NWD2: variants seen among roughly 807,000 people sequenced by gnomAD.
The protein encoded by NWD2 is NACHT and WD repeat domain containing 2, also known as NACHT and WD repeat domain-containing protein 2.
A neutral mutation model predicts 132.7 loss-of-function variants in NWD2; 37 were observed. That is an observed-to-expected ratio of 0.28 (90% CI 0.21 to 0.37). The LOEUF is 0.37. NWD2 is among the 10% of genes least tolerant of loss of function. The probability of loss-of-function intolerance (pLI) is 1.00; values close to 1 mark genes in which losing one functional copy is unlikely to be tolerated. For missense variants in NWD2, 1,592 were observed against 2,122.4 expected, an observed-to-expected ratio of 0.75 and a Z score of 4.91; for synonymous variants, 705 against 803.0, an observed-to-expected ratio of 0.88 and a Z score of 2.06.
chr4:37,299,790 A>G (rs1718576509), intron 1 of NWD2, among the ~76,000 whole-genome samples: 1 of 152,122 alleles, frequency 6.6e-6, no homozygotes. Context: ...TTTTCTTGTA[A>G]ACTGAAATGT....
chr4:37,362,478 A>T (rs1719999889), intron 3 of NWD2, among the ~76,000 whole-genome samples: 1 of 152,228 alleles, frequency 6.6e-6, no homozygotes, highest in Admixed American at 6.5e-5. Context: ...GGACACATAG[A>T]CAAATGGAAC....
At chr4:37,281,842 T>G (rs144356332) in intron 1 of NWD2, among the ~76,000 whole-genome samples, 1,534 of 152,298 alleles carry the variant, frequency 0.01, 11 homozygotes, top group Non-Finnish European at 0.015. Flanking sequence ...TTAAACAAAT[T>G]TGTGGACATA....
rs186159162 is a variant in NWD2, at chr4:37,361,241, A to G, written c.357+4759A>G. On this transcript the variant is annotated intron_variant, in intron 3 of 6. Coordinates refer to ENST00000309447, the MANE Select transcript of NWD2 (RefSeq NM_001144990.2). Reference sequence around the variant, plus strand: ...TACATTCACAGACAAATTCCACCAGATATGCAAAGCAGAGCTGATACCTAT... The same window carrying G: ...TACATTCACAGACAAATTCCACCAGGTATGCAAAGCAGAGCTGATACCTAT... Among the ~76,000 whole-genome samples, 7 of 152,298 alleles carry G rather than the reference A, an allele frequency of 4.6e-5. 1 individual carries two copies. The highest frequency in any genetic ancestry group is 4.6e-4 in the Admixed American group (7 of 15,272).
intron 1 of NWD2, among the ~76,000 whole-genome samples, chr4:37,305,955 C>T (rs530179930): frequency 6.6e-6 from 1 of 152,280 alleles, no homozygotes; most frequent in African/African-American, 2.4e-5. Flanking sequence ...TAGAATTCAT[C>T]AGTGAAGCCA....
intron 3 of NWD2, among the ~76,000 whole-genome samples, chr4:37,404,209 A>G (rs1340561587): frequency 6.6e-6 from 1 of 152,168 alleles, no homozygotes; most frequent in Non-Finnish European, 1.5e-5. Context: ...GACTTTCTCA[A>G]CCTTGGGAAT....
intron 1 of NWD2, among the ~76,000 whole-genome samples, chr4:37,291,291 AC>A (rs1175646708): frequency 6.6e-6 from 1 of 152,114 alleles, no homozygotes; most frequent in Non-Finnish European, 1.5e-5. Flanking sequence ...TTGCTGTGGG[AC>A]TTAACCTTTT....
chr4:37,419,942 T>G (rs1560251048), intron 3 of NWD2, among the ~76,000 whole-genome samples: 1 of 152,218 alleles, frequency 6.6e-6, no homozygotes, highest in Non-Finnish European at 1.5e-5. Context: ...ACTGCCAAAC[T>G]ACATCTTCAA....
In NWD2 at chr4:37,438,834, A is replaced by G; in HGVS notation, c.740A>G (p.Lys247Arg). The change falls in exon 6 of 7, where the codon AAA becomes AGA. Residue 247 changes from lysine (K) to arginine (R), a missense_variant. By Grantham distance (26) the Lys-to-Arg change is conservative. Around this residue, in one of 7 missense-constraint regions of NWD2, gnomAD observed 5 missense variants for 29.0 expected, o/e 0.17. Transcript: ENST00000309447. ...IEDEFDFALG[K>R]QTPAFLKKCV... ...GATGAGTTTGACTTTGCTCTGGGAA[A>G]ACAAACTCCAGCATTTCTAAAGAAG... is the stretch of plus-strand genomic sequence containing the variant. 1 of 1,551,284 alleles carries G rather than the reference A, an allele frequency of 6.4e-7. No individual in the cohort carries two copies. Among genetic ancestry groups the G allele is most frequent in the South Asian group, 1.2e-5 (1 of 83,996 alleles).
chr4:37,427,140 C>G lies in NWD2; in HGVS notation c.358-3432C>G, dbSNP rs184256916. Among the ~76,000 whole-genome samples the G allele has an allele frequency of 6.6e-4, 101 of 152,008 alleles. 1 individual carries two copies. The highest frequency in any genetic ancestry group is 2.1e-3 in the African/African-American group (85 of 41,458). On this transcript the variant is annotated intron_variant, in intron 3 of 6. Transcript: ENST00000309447. Reference sequence around the variant, plus strand: ...ATGTGCTGCCTGTCTACCTGGTCCTCCACCAATGACCAAACTCCATCTGTA... The same window carrying G: ...ATGTGCTGCCTGTCTACCTGGTCCTGCACCAATGACCAAACTCCATCTGTA...
Position 37,421,390 on chromosome 4 carries a change from G to T in NWD2, c.358-9182G>T, listed in dbSNP as rs1286409210. Among the ~76,000 whole-genome samples, 4 of 152,234 alleles carry T rather than the reference G, an allele frequency of 2.6e-5. No homozygotes were observed. In the East Asian group the frequency reaches 7.7e-4, roughly 29 times the overall value. ...TTTCACCCTTATGGCTGTTCCCTTT[G>T]TTCTGATATTTCTAAAGAATAATGG... On this transcript the variant is annotated intron_variant, in intron 3 of 6. Transcript: ENST00000309447.
chr4:37,351,764 A>G (rs897199289), intron 2 of NWD2, among the ~76,000 whole-genome samples: 11 of 151,892 alleles, frequency 7.2e-5, no homozygotes, highest in African/African-American at 2.7e-4. Context: ...TTTACTTGTG[A>G]TGTTAGGGTG....
intron 2 of NWD2, among the ~76,000 whole-genome samples, chr4:37,343,145 A>G (rs1356605435): frequency 6.6e-6 from 1 of 152,192 alleles, no homozygotes; most frequent in Non-Finnish European, 1.5e-5. Context: ...ACCATTGGTA[A>G]ATAGTATCTG....
At chr4:37,366,689 GATTA>G (rs1335972787) in intron 3 of NWD2, among the ~76,000 whole-genome samples, 2 of 152,012 alleles carry the variant, frequency 1.3e-5, no homozygotes, top group Non-Finnish European at 2.9e-5. Flanking sequence ...GCCATGGAAA[GATTA>G]ACCAAAAGAA....
chr4:37,277,584 A>T (rs1419905516), intron 1 of NWD2, among the ~76,000 whole-genome samples: 4 of 151,572 alleles, frequency 2.6e-5, no homozygotes, highest in African/African-American at 7.3e-5. Flanking sequence ...CTCTAAATTT[A>T]AAAAAAAATT....
intron 3 of NWD2, among the ~76,000 whole-genome samples, chr4:37,423,968 A>G (rs931996411): frequency 2.6e-5 from 4 of 152,154 alleles, no homozygotes; most frequent in African/African-American, 7.2e-5. Flanking sequence ...TTGAGAAAAT[A>G]ATGTTAAGTT....
intron 3 of NWD2, among the ~76,000 whole-genome samples, chr4:37,408,328 G>A (rs7659243): frequency 0.54 from 82,666 of 151,992 alleles, 23,344 homozygotes; most frequent in East Asian, 0.75. Context: ...TTGACCTGGG[G>A]CACTCGAGCT....
intron 1 of NWD2, among the ~76,000 whole-genome samples, chr4:37,250,891 C>G (rs1252219654): frequency 1.3e-5 from 2 of 152,214 alleles, no homozygotes; most frequent in Non-Finnish European, 2.9e-5. Context: ...AGTCTACAAA[C>G]CTGTATAGCA....
At chr4:37,407,253 G>A (rs1721063127) in intron 3 of NWD2, among the ~76,000 whole-genome samples, 2 of 152,084 alleles carry the variant, frequency 1.3e-5, no homozygotes. Flanking sequence ...CATAACTAAG[G>A]CTCTAAATCT....
At chr4:37,275,419 A>G (rs917678110) in intron 1 of NWD2, among the ~76,000 whole-genome samples, 2 of 152,116 alleles carry the variant, frequency 1.3e-5, no homozygotes, top group African/African-American at 4.8e-5. Flanking sequence ...GCTCAATGAA[A>G]TAAAAGAGGA....
Sources: allele counts gnomAD v4.1 joint callset (sites outside exome capture counted in the v4.1 genomes callset), GRCh38; gene constraint gnomAD v4.1.1; regional missense constraint gnomAD v4.1.1; transcripts MANE v1.5; gene names NCBI Gene and HGNC (gene_info 2026-07-23, HGNC 2026-07-21).